Variants in RAP1A observed in about 807,000 individuals in gnomAD.
RAP1A encodes the protein RAP1A, member of RAS oncogene family.
In RAP1A, 6 loss-of-function variants were observed where a neutral mutation model predicts 26.4. The ratio of observed to expected loss-of-function variants is 0.23; its 90% confidence interval spans 0.12 to 0.45. The LOEUF is 0.45. Among genes scored for constraint, RAP1A ranks in the 20% least tolerant of loss-of-function variants. The pLI, the probability that RAP1A is intolerant of heterozygous loss-of-function variation, is 0.99. For missense variants in RAP1A, 121 were observed against 217.2 expected, an observed-to-expected ratio of 0.56 and a Z score of 2.78; for synonymous variants, 73 against 79.4, an observed-to-expected ratio of 0.92 and a Z score of 0.43.
chr1:111,556,489 G>A (rs1657497612), intron 1 of RAP1A, among the ~76,000 whole-genome samples: 1 of 152,156 alleles, frequency 6.6e-6, no homozygotes, highest in Admixed American at 6.5e-5. Context: ...GCCATAGGGT[G>A]GAGGCAACCC....
chr1:111,667,916 TG>T (rs1423404084), intron 1 of RAP1A, among the ~76,000 whole-genome samples: 1 of 152,152 alleles, frequency 6.6e-6, no homozygotes, highest in African/African-American at 2.4e-5. Context: ...CCTGGGCTTA[TG>T]GTTTCATTGC....
At chr1:111,640,893 G>A (rs528065699) in intron 1 of RAP1A, among the ~76,000 whole-genome samples, 2 of 152,260 alleles carry the variant, frequency 1.3e-5, no homozygotes, top group African/African-American at 4.8e-5. Context: ...GAGCATGGGA[G>A]GTTGAGGCTG....
At chr1:111,648,356 G>A (rs748737808) in intron 1 of RAP1A, 19 of 674,626 alleles carry the variant, frequency 2.8e-5, no homozygotes, top group Non-Finnish European at 4.8e-5. Flanking sequence ...GTGGATGGTC[G>A]TCTTTTGGAT....
chr1:111,614,414 A>G (rs1658980027), intron 1 of RAP1A, among the ~76,000 whole-genome samples: 1 of 152,188 alleles, frequency 6.6e-6, no homozygotes, highest in Admixed American at 6.5e-5. Flanking sequence ...CTAAACATTT[A>G]TTAGATGGAA....
intron 1 of RAP1A, among the ~76,000 whole-genome samples, chr1:111,678,576 C>T (rs1008915162): frequency 6.6e-6 from 1 of 152,218 alleles, no homozygotes; most frequent in East Asian, 1.9e-4. Flanking sequence ...TGCTTGTAGG[C>T]TACAAACCTG....
intron 1 of RAP1A, among the ~76,000 whole-genome samples, chr1:111,630,524 A>G (rs1469065130): frequency 6.6e-6 from 1 of 152,242 alleles, no homozygotes; most frequent in Non-Finnish European, 1.5e-5. Flanking sequence ...AGTAAATAAG[A>G]TAATTTCAGA....
chr1:111,695,770 A>G (rs1445860294), intron 3 of RAP1A, among the ~76,000 whole-genome samples: 1 of 152,152 alleles, frequency 6.6e-6, no homozygotes, highest in Non-Finnish European at 1.5e-5. Flanking sequence ...GAACATTTTT[A>G]TTTTTGTTTA....
chr1:111,689,958 G>A (rs1362456978), intron 1 of RAP1A, among the ~76,000 whole-genome samples: 2 of 152,212 alleles, frequency 1.3e-5, no homozygotes, highest in East Asian at 1.9e-4. Context: ...TTACAGGCGT[G>A]AGCCACTGCG....
rs3767592 is a variant in RAP1A, at chr1:111,711,942, C to G, written c.*30-489C>G. ...TCTTGACTATGGGGATTAGCTCTTT[C>G]TGTATCATCCCTTGCCTTAACCTGT... On this transcript the variant is annotated intron_variant, in intron 7 of 7. Coordinates refer to ENST00000369709, the MANE Select transcript of RAP1A (RefSeq NM_002884.4). Among the ~76,000 whole-genome samples, 6 of 152,174 alleles carry G rather than the reference C, an allele frequency of 3.9e-5. No individual in the cohort carries two copies. In the East Asian group the frequency reaches 1.2e-3, roughly 29 times the overall value.
intron 1 of RAP1A, among the ~76,000 whole-genome samples, chr1:111,608,969 G>A (rs990441195): frequency 2.6e-5 from 4 of 152,250 alleles, no homozygotes; most frequent in Non-Finnish European, 5.9e-5. Context: ...TAGACTTACA[G>A]TGCTTTCTTT....
chr1:111,569,656 A>T (rs950136789), intron 1 of RAP1A, among the ~76,000 whole-genome samples: 1 of 151,978 alleles, frequency 6.6e-6, no homozygotes, highest in African/African-American at 2.4e-5. Flanking sequence ...TTCACTTTTA[A>T]GAGCCTCCAA....
chr1:111,582,358 G>A (rs1658273832), intron 1 of RAP1A, among the ~76,000 whole-genome samples: 1 of 152,138 alleles, frequency 6.6e-6, no homozygotes, highest in Non-Finnish European at 1.5e-5. Context: ...CTTAATTTTA[G>A]CCTTTCCTGA....
At chr1:111,565,771 T>G (rs758271343) in intron 1 of RAP1A, among the ~76,000 whole-genome samples, 1 of 152,216 alleles carries the variant, frequency 6.6e-6, no homozygotes, top group East Asian at 1.9e-4. Flanking sequence ...GCTCATGTAC[T>G]TTTTACTTCT....
chr1:111,710,590 T>C (rs506991), intron 7 of RAP1A, among the ~76,000 whole-genome samples: 81,880 of 152,032 alleles, frequency 0.54, 22,122 homozygotes, highest in African/African-American at 0.61. Flanking sequence ...TCTCTTGGTC[T>C]ATTTAGTAGA....
intron 1 of RAP1A, among the ~76,000 whole-genome samples, chr1:111,577,256 G>T (rs1273521309): frequency 6.6e-6 from 1 of 151,892 alleles, no homozygotes; most frequent in African/African-American, 2.4e-5. Context: ...TACAAAATTA[G>T]CTGGGTGTGG....
rs115714084 is a variant in RAP1A, at chr1:111,712,142, G to A, written c.*30-289G>A. The stretch of plus-strand genomic sequence containing the variant: ...CTTTGTACAGACAGGATTGTCAGAT[G>A]TAATGGGAAACACTATAATTGAGTA... On this transcript the variant is annotated intron_variant, in intron 7 of 7. Coordinates refer to ENST00000369709, the MANE Select transcript of RAP1A (RefSeq NM_002884.4). 5.5e-3 allele frequency among the ~76,000 whole-genome samples: 842 copies of A among 152,246 alleles called. 3 individuals are homozygous for A. The highest frequency in any genetic ancestry group is 9.4e-3 in the Non-Finnish European group (641 of 67,936).
At chr1:111,587,834 G>C (rs188208997) in intron 1 of RAP1A, among the ~76,000 whole-genome samples, 1 of 152,120 alleles carries the variant, frequency 6.6e-6, no homozygotes, top group Non-Finnish European at 1.5e-5. Context: ...AGTATTTAAT[G>C]CTGTGAAATA....
chr1:111,686,323 G>C (rs1661476452), intron 1 of RAP1A, among the ~76,000 whole-genome samples: 1 of 152,088 alleles, frequency 6.6e-6, no homozygotes, highest in Admixed American at 6.5e-5. Flanking sequence ...TGTTGGCTAG[G>C]CATGGTGGTT....
chr1:111,648,265 A>C, intron 1 of RAP1A: 2 of 873,878 alleles, frequency 2.3e-6, no homozygotes, highest in Non-Finnish European at 1.7e-6. Context: ...TGCTCCCCAA[A>C]GGGTACCCTG....
Sources: gnomAD v4.1 joint callset for allele counts (sites outside exome capture counted in the v4.1 genomes callset) on GRCh38, gnomAD v4.1.1 for gene constraint, MANE v1.5 for transcripts, NCBI Gene and HGNC (gene_info 2026-07-23, HGNC 2026-07-21) for gene names.